Variants in STOML3 observed in about 807,000 individuals in gnomAD.
The protein encoded by STOML3 is stomatin like 3.
A neutral mutation model predicts 29.5 loss-of-function variants in STOML3; 31 were observed. That is an observed-to-expected ratio of 1.05 (90% CI 0.79 to 1.42). The LOEUF (loss-of-function observed/expected upper bound fraction) is 1.42. Among genes scored for constraint, STOML3 ranks in the 40% most tolerant of loss-of-function variants. STOML3 has a pLI of 0.00. For missense variants in STOML3, 380 were observed against 363.0 expected, an observed-to-expected ratio of 1.05 and a Z score of -0.38; for synonymous variants, 122 against 139.8, an observed-to-expected ratio of 0.87 and a Z score of 0.90.
At chr13:38,986,837 T>C (rs755867144) in intron 1 of STOML3, among the ~76,000 whole-genome samples, 44 of 152,234 alleles carry the variant, frequency 2.9e-4, no homozygotes, top group Admixed American at 5.9e-4. Flanking sequence ...TGCAAAATCT[T>C]AAGCCCAGAA....
At chr13:38,968,835 T>C (rs1230818738) in intron 5 of STOML3, among the ~76,000 whole-genome samples, 3 of 152,162 alleles carry the variant, frequency 2.0e-5, no homozygotes, top group Non-Finnish European at 4.4e-5. Flanking sequence ...GAGATCCATC[T>C]AGATTTGAGA....
rs1456301156 is a variant in STOML3, at chr13:38,968,499, G to T, written c.552C>A (p.Ile184=). The change falls in exon 6 of 7, where the codon ATC becomes ATA. Residue 184 remains isoleucine, a synonymous_variant. Coordinates refer to ENST00000379631, the MANE Select transcript of STOML3 (RefSeq NM_145286.3). The stretch of plus-strand genomic sequence containing the variant: ...CTTTGATTTCCACTCGGGCCACCCG[G>T]ATCCCCCACAGTTCGGTGGCATCAT... The part of the protein sequence containing the change: ...LLDDATELWG[I]RVARVEIKDV... 1 of 1,614,086 alleles carries T rather than the reference G, an allele frequency of 6.2e-7. No individual in the cohort carries two copies. Among genetic ancestry groups the T allele is most frequent in the Non-Finnish European group, 8.5e-7 (1 of 1,180,002 alleles).
intron 1 of STOML3, among the ~76,000 whole-genome samples, chr13:38,985,178 C>G (rs1330798407): frequency 1.3e-5 from 2 of 152,132 alleles, no homozygotes; most frequent in Admixed American, 1.3e-4. Flanking sequence ...AATCCCAGCA[C>G]TTTGGGAGGC....
rs561249268 is a variant in STOML3, at chr13:38,977,798, C to T, written c.53-1001G>A. Among the ~76,000 whole-genome samples the T allele has an allele frequency of 7.8e-5, 9 of 115,352 alleles. No homozygotes were observed. The Admixed American group carries it at 8.0e-4, about 10-fold the overall frequency. The allele number at this position is 115,352 out of a possible 152,430, so 75.7% of individuals were successfully genotyped here. On this transcript the variant is annotated intron_variant, in intron 1 of 6. Transcript: ENST00000379631. Reference sequence around the variant, plus strand: ...TTTTTGAGACGGAGTCTCGCTCTGTCGCCCAGGCTGGAGTACAGTGGCGCG... The same window carrying T: ...TTTTTGAGACGGAGTCTCGCTCTGTTGCCCAGGCTGGAGTACAGTGGCGCG...
intron 1 of STOML3, among the ~76,000 whole-genome samples, chr13:38,981,849 T>C (rs1041800109): frequency 2.6e-5 from 4 of 152,160 alleles, no homozygotes; most frequent in Middle Eastern, 3.2e-3. Context: ...TCAAAAACTA[T>C]TTGGAAGTGT....
intron 5 of STOML3, among the ~76,000 whole-genome samples, chr13:38,968,819 G>A (rs1019432346): frequency 6.6e-6 from 1 of 152,106 alleles, no homozygotes; most frequent in Non-Finnish European, 1.5e-5. Context: ...TCCCAAGGAG[G>A]TATATGAGAT....
At chr13:38,976,463 A>C in intron 3 of STOML3, 77 bp downstream of exon 3, 1 of 1,533,386 alleles carries the variant, frequency 6.5e-7, no homozygotes, top group Non-Finnish European at 9.0e-7. Flanking sequence ...AGGCACCACC[A>C]GGAAAAATAT....
intron 6 of STOML3, among the ~76,000 whole-genome samples, chr13:38,967,781 C>A (rs1435991810): frequency 6.6e-6 from 1 of 152,184 alleles, no homozygotes; most frequent in East Asian, 1.9e-4. Flanking sequence ...AGAGGATACA[C>A]AAAGGCTTGG....
intron 1 of STOML3, among the ~76,000 whole-genome samples, chr13:38,988,454 T>A (rs1251353861): frequency 9.2e-5 from 10 of 108,860 alleles, no homozygotes; most frequent in Non-Finnish European, 1.7e-4. Context: ...TTATATTTTA[T>A]ATCATATATT....
At chr13:38,986,037 T>TG (rs1472108485) in intron 1 of STOML3, among the ~76,000 whole-genome samples, 19 of 83,206 alleles carry the variant, frequency 2.3e-4, no homozygotes, top group African/African-American at 1.0e-3. Flanking sequence ...TTTACCTGGT[T>TG]TTTTTTTTTT....
rs370598003 is a variant in STOML3 at position 38,972,574 on chromosome 13, A to G, written c.250T>C (p.Cys84Arg). ...TCAACTTTGACAAACACATCTATGC[A>G]TGGCAGGACCAGGATCAAACCTATG... is the stretch of plus-strand genomic sequence containing the variant. ...KGPGLILVLPCIDVFVKVDLR... is the reference protein window; with the variant it reads ...KGPGLILVLPRIDVFVKVDLR... The change falls in exon 4 of 7, where the codon TGC becomes CGC. Residue 84 changes from cysteine (C) to arginine (R), a missense_variant. Physicochemically the swap from Cys to Arg is radical, Grantham distance 180 (BLOSUM62 -3). Transcript: ENST00000379631. 3.1e-5 allele frequency: 50 copies of G among 1,614,028 alleles called. No individual in the cohort carries two copies. The African/African-American group carries it at 4.9e-4, about 16-fold the overall frequency.
At chr13:38,976,645 T>C in intron 2 of STOML3, 33 bp from the exon 3 acceptor site, 1 of 1,614,098 alleles carries the variant, frequency 6.2e-7, no homozygotes, top group Non-Finnish European at 8.5e-7. Flanking sequence ...TTAGTCCTAA[T>C]GGTTTGTCAG....
rs1272398110 is a variant in STOML3, at chr13:38,965,990, G to A, written c.*835C>T. On this transcript the variant is annotated 3_prime_UTR_variant, in exon 7 of 7. Transcript: ENST00000379631. ...TTGAACAGGTTATTTGGCAGGTGGG[G>A]GAGGGGATGTGGATAGAGTTCACAA... The A allele has an allele frequency of 6.6e-6, 1 of 152,164 alleles. No homozygotes were observed. Among genetic ancestry groups the A allele is most frequent in the Non-Finnish European group, 1.5e-5 (1 of 68,030 alleles). 9.4% of individuals were successfully genotyped at this position (152,164 alleles called of 1,614,324 possible).
chr13:38,968,596 A>G (rs763830683), intron 5 of STOML3, 62 bp from the exon 6 acceptor site: 1 of 1,585,296 alleles, frequency 6.3e-7, no homozygotes, highest in East Asian at 2.2e-5. Flanking sequence ...TATGTTTCTG[A>G]TATGTTTTAT....
At chr13:38,977,479 T>C (rs1881121988) in intron 1 of STOML3, among the ~76,000 whole-genome samples, 5 of 152,358 alleles carry the variant, frequency 3.3e-5, no homozygotes, top group Admixed American at 2.6e-4. Flanking sequence ...ACAGGTATTC[T>C]ACTTTTATTC....
intron 5 of STOML3, 70 bp downstream of exon 5, chr13:38,970,115 C>A: frequency 6.9e-7 from 1 of 1,439,246 alleles, no homozygotes; most frequent in East Asian, 2.3e-5. Context: ...GAACTGCTGA[C>A]ATTTAATAAT....
chr13:38,980,169 CTTCCAAGAT>C (rs1881223108), intron 1 of STOML3: 1 of 1,540,472 alleles, frequency 6.5e-7, no homozygotes, highest in African/African-American at 1.4e-5. Flanking sequence ...TGTGACTATT[CTTCCAAGAT>C]TTACACTGGA....
intron 1 of STOML3, among the ~76,000 whole-genome samples, chr13:38,988,798 T>C (rs1423093016): frequency 1.4e-5 from 2 of 143,520 alleles, no homozygotes; most frequent in African/African-American, 5.1e-5. Flanking sequence ...TTACAAGTTA[T>C]ATATTATAGT....
chr13:38,967,061 G>A lies in STOML3; in HGVS notation c.652-12C>T. On this transcript the variant is annotated splice_polypyrimidine_tract_variant and intron_variant, in intron 6 of 6. Transcript: ENST00000379631. The stretch of plus-strand genomic sequence containing the variant: ...TCAGCTGCAAGGACCTGAAATGACA[G>A]AAATAAAATCGTTCAGAAATAAAAG... 3 of 1,609,308 alleles carry A rather than the reference G, an allele frequency of 1.9e-6. No individual in the cohort carries two copies. Among genetic ancestry groups the A allele is most frequent in the Non-Finnish European group, 2.5e-6 (3 of 1,177,510 alleles).
Sources: allele counts gnomAD v4.1 joint callset (sites outside exome capture counted in the v4.1 genomes callset), GRCh38; gene constraint gnomAD v4.1.1; transcripts MANE v1.5; gene names NCBI Gene and HGNC (gene_info 2026-07-23, HGNC 2026-07-21).